The following DCP1A variants were observed in gnomAD, a reference collection of about 807,000 sequenced individuals.
DCP1A encodes the protein decapping mRNA 1A.
In DCP1A, 20 loss-of-function variants were observed where a neutral mutation model predicts 58.0. The ratio of observed to expected loss-of-function variants is 0.34; its 90% CI spans 0.24 to 0.50. The LOEUF (loss-of-function observed/expected upper bound fraction) is 0.50. DCP1A is among the 20% of genes least tolerant of loss of function. DCP1A has a pLI of 0.98. For missense variants in DCP1A, 613 were observed against 712.2 expected, an observed-to-expected ratio of 0.86 and a Z score of 1.59; for synonymous variants, 285 against 275.1, an observed-to-expected ratio of 1.04 and a Z score of -0.36.
intron 6 of DCP1A, among the ~76,000 whole-genome samples, chr3:53,298,098 G>C (rs1203313829): frequency 6.6e-6 from 1 of 152,158 alleles, no homozygotes; most frequent in Non-Finnish European, 1.5e-5. Flanking sequence ...TGCACCTGTG[G>C]TCCTGGCTGC....
intron 5 of DCP1A, among the ~76,000 whole-genome samples, chr3:53,308,431 A>T (rs1553688319): frequency 6.6e-6 from 1 of 152,062 alleles, no homozygotes; most frequent in African/African-American, 2.4e-5. Context: ...AGCCAGGACC[A>T]CAGGTGCACA....
At chr3:53,307,780 A>G (rs1291972824) in intron 5 of DCP1A, among the ~76,000 whole-genome samples, 1 of 152,274 alleles carries the variant, frequency 6.6e-6, no homozygotes, top group African/African-American at 2.4e-5. Context: ...AAAGTAATTT[A>G]TCCTAATAAA....
intron 8 of DCP1A, among the ~76,000 whole-genome samples, chr3:53,289,737 C>G (rs554739688): frequency 1.6e-4 from 24 of 152,242 alleles, no homozygotes; most frequent in African/African-American, 5.8e-4. Flanking sequence ...TGCTTCTAGG[C>G]TAATTCCAGC....
intron 5 of DCP1A, among the ~76,000 whole-genome samples, chr3:53,309,531 G>A (rs781811116): frequency 3.9e-5 from 6 of 152,140 alleles, no homozygotes; most frequent in African/African-American, 1.2e-4. Flanking sequence ...AGGCCAAGGC[G>A]GGAGGACAGC....
In DCP1A at chr3:53,287,596, T is replaced by G; in HGVS notation, c.1733A>C (p.Asp578Ala). 6.2e-7 allele frequency: 1 copy of G among 1,610,626 alleles called. No homozygotes were observed. Among genetic ancestry groups the G allele is most frequent in the South Asian group, 1.1e-5 (1 of 91,014 alleles). The change falls in exon 10 of 10, where the codon GAC becomes GCC. Residue 578 changes from aspartate (D) to alanine (A), a missense_variant. Around this residue, in one of 3 missense-constraint regions of DCP1A, gnomAD observed 498 missense variants for 556.7 expected, o/e 0.89. Coordinates refer to ENST00000610213, the MANE Select transcript of DCP1A (RefSeq NM_018403.7). ...VYLQVLTKNK[D>A]NHNL Reference sequence around the variant, plus strand: ...CTGCTCCAGTCATAGGTTGTGGTTGTCTTTGTTCTTGGTCAGAACCTGCAA... The same window carrying G: ...CTGCTCCAGTCATAGGTTGTGGTTGGCTTTGTTCTTGGTCAGAACCTGCAA...
chr3:53,287,574 C>T lies in DCP1A; in HGVS notation c.*6G>A, dbSNP rs1553685278. The T allele has an allele frequency of 6.3e-7, 1 of 1,596,850 alleles. No homozygotes were observed. Among genetic ancestry groups the T allele is most frequent in the Non-Finnish European group, 8.6e-7 (1 of 1,164,540 alleles). On this transcript the variant is annotated 3_prime_UTR_variant, in exon 10 of 10. Transcript: ENST00000610213. ...GGGCTCTGCCTTTAGACTTATTCTG[C>T]TCCAGTCATAGGTTGTGGTTGTCTT...
At chr3:53,315,467 G>A (rs868937559) in intron 4 of DCP1A, among the ~76,000 whole-genome samples, 1 of 150,122 alleles carries the variant, frequency 6.7e-6, no homozygotes, top group East Asian at 2.0e-4. Context: ...GAACCCAGGA[G>A]GGCGGAGGTT....
At position 53,304,224 on chromosome 3, in the gene DCP1A, C is replaced by T. The variant is rs782117070; in HGVS notation, c.577G>A (p.Gly193Arg). ...ATTTCTTCTAGAGTCTCGGTGCTTC[C>T]CAGATTGGAGAGCTGAGTGCTTGGC... is the stretch of plus-strand genomic sequence containing the variant. ...LQPSTQLSNL[G>R]STETLEEMPS... Residue 193 changes from glycine to arginine, a missense_variant, in exon 6 of 10, where the codon GGA (glycine) becomes AGA (arginine). Physicochemically the swap from Gly to Arg is moderately radical, Grantham distance 125. Transcript: ENST00000610213. 6.2e-7 allele frequency: 1 copy of T among 1,613,570 alleles called. No individual in the cohort carries two copies. The highest frequency in any genetic ancestry group is 1.3e-5 in the African/African-American group (1 of 74,830).
At chr3:53,295,593 C>T (rs782052291) in intron 6 of DCP1A, among the ~76,000 whole-genome samples, 6 of 152,132 alleles carry the variant, frequency 3.9e-5, no homozygotes, top group Non-Finnish European at 8.8e-5. Flanking sequence ...TTCAGTCAGA[C>T]TGGAGTGCAG....
chr3:53,295,417 G>A (rs1284548078), intron 6 of DCP1A, among the ~76,000 whole-genome samples: 1 of 151,786 alleles, frequency 6.6e-6, no homozygotes, highest in Admixed American at 6.6e-5. Flanking sequence ...TTAGACCATG[G>A]ATACAAAAAA....
At chr3:53,337,520 G>C (rs1459728046) in intron 3 of DCP1A, among the ~76,000 whole-genome samples, 1 of 152,194 alleles carries the variant, frequency 6.6e-6, no homozygotes, top group East Asian at 1.9e-4. Flanking sequence ...TCAAATCAGT[G>C]GTTTAAATGA....
At chr3:53,327,725 AG>A (rs1553690769) in intron 3 of DCP1A, among the ~76,000 whole-genome samples, 1 of 151,548 alleles carries the variant, frequency 6.6e-6, no homozygotes, top group African/African-American at 2.4e-5. Flanking sequence ...TGGGAGGCAG[AG>A]GTTGCGGTGA....
At chr3:53,314,240 G>T (rs1179950900) in intron 4 of DCP1A, among the ~76,000 whole-genome samples, 1 of 152,084 alleles carries the variant, frequency 6.6e-6, no homozygotes, top group African/African-American at 2.4e-5. Context: ...CTCCAAGAAG[G>T]GCAGGCCTAT....
At chr3:53,296,975 A>G (rs1707147308) in intron 6 of DCP1A, among the ~76,000 whole-genome samples, 1 of 152,186 alleles carries the variant, frequency 6.6e-6, no homozygotes, top group South Asian at 2.1e-4. Flanking sequence ...TTTTTTCCAT[A>G]GTGCCTGAAC....
Position 53,305,601 on chromosome 3 carries a change from C to T in DCP1A, c.511-1311G>A, listed in dbSNP as rs367696478. Among the ~76,000 whole-genome samples the T allele has an allele frequency of 9.6e-4, 146 of 152,236 alleles. 2 individuals carry two copies. The highest frequency in any genetic ancestry group is 3.2e-3 in the African/African-American group (132 of 41,550). The stretch of plus-strand genomic sequence containing the variant: ...CTGACTTCAGGTGATTCACCCTCCT[C>T]GGCCTCCCAAAGTGCTGGGGTTACA... On this transcript the variant is annotated intron_variant, in intron 5 of 9. Transcript: ENST00000610213.
In DCP1A at chr3:53,347,500, T is replaced by C. The variant is rs11551720; in HGVS notation, c.18A>G (p.Arg6=). The C allele has an allele frequency of 1.2e-6, 2 of 1,612,582 alleles. No individual in the cohort carries two copies. The change falls in exon 1 of 10, where the codon CGA becomes CGG. Residue 6 remains arginine (R), a synonymous_variant. Transcript: ENST00000610213. MEALS[R]AGQEMSLAAL... is the part of the protein sequence containing the mutation. ...CCGCTAGGCTCATCTCCTGCCCAGCTCGACTCAGCGCCTCCATCTTGAATC... is the reference window on the plus strand; with the variant it reads ...CCGCTAGGCTCATCTCCTGCCCAGCCCGACTCAGCGCCTCCATCTTGAATC...
chr3:53,313,862 A>C (rs1553688920), intron 4 of DCP1A, among the ~76,000 whole-genome samples: 1 of 152,076 alleles, frequency 6.6e-6, no homozygotes, highest in African/African-American at 2.4e-5. Flanking sequence ...AACAATATTA[A>C]ACCGACTTAA....
intron 7 of DCP1A, among the ~76,000 whole-genome samples, 187 bp from the exon 8 acceptor site, chr3:53,291,043 A>G (rs1553685921): frequency 6.6e-6 from 1 of 152,210 alleles, no homozygotes; most frequent in Admixed American, 6.5e-5. Context: ...CATGCAGCCA[A>G]CAATTCAACT....
At position 53,347,446 on chromosome 3, in the gene DCP1A, G is replaced by C. The variant is rs539784522; in HGVS notation, c.72C>G (p.Thr24=). ...AALKQHDPYI[T]SIADLTGQVA... is the part of the protein sequence containing the mutation. ...CCTGGCCCGTGAGGTCTGCGATGCT[G>C]GTGATATAGGGGTCGTGTTGCTTCA... The change falls in exon 1 of 10, where the codon ACC becomes ACG. Residue 24 remains threonine, a synonymous_variant. Transcript: ENST00000610213. 56 of 1,613,702 alleles carry C rather than the reference G, an allele frequency of 3.5e-5. 1 individual carries two copies. In the South Asian group the frequency reaches 5.8e-4, roughly 17 times the overall value.
Sources: allele counts gnomAD v4.1 joint callset (sites outside exome capture counted in the v4.1 genomes callset), GRCh38; gene constraint gnomAD v4.1.1; regional missense constraint gnomAD v4.1.1; transcripts MANE v1.5; gene names NCBI Gene and HGNC (gene_info 2026-07-23, HGNC 2026-07-21).